BCL7C: variants seen among roughly 807,000 people sequenced by gnomAD.
BCL7C encodes the protein B-cell CLL/lymphoma 7 protein family member C.
In BCL7C, 8 loss-of-function variants were observed where a neutral mutation model predicts 26.2. That is an observed-to-expected ratio of 0.30 (90% confidence interval 0.18 to 0.55). The LOEUF (loss-of-function observed/expected upper bound fraction) is 0.55. Ranked by LOEUF, BCL7C falls within the 20% of genes least tolerant of loss-of-function variation. BCL7C has a pLI of 0.93. For missense variants in BCL7C, 262 were observed against 298.5 expected (o/e 0.88, Z 0.90); for synonymous variants, 90 against 116.5 (o/e 0.77, Z 1.47).
intron 5 of BCL7C, among the ~76,000 whole-genome samples, chr16:30,881,470 G>A (rs1343918059): frequency 6.6e-6 from 1 of 151,690 alleles, no homozygotes; most frequent in African/African-American, 2.4e-5. Flanking sequence ...ATGCTTTTCT[G>A]CTCAGAACAC....
At position 30,893,188 on chromosome 16, in the gene BCL7C, C is replaced by T; in HGVS notation, c.171+24G>A. ...GCCTGAGGTTGCACAGATGCAGGGC[C>T]TTGTGGGAATGGGGGTTGCTCACCT... On this transcript the variant is annotated intron_variant, in intron 2 of 5. Transcript: ENST00000215115. The surrounding 1 kb of genome is among the most constrained non-coding windows in gnomAD (Gnocchi z 5.2). 6.2e-7 allele frequency: 1 copy of T among 1,608,526 alleles called. No individual in the cohort carries two copies. Among genetic ancestry groups the T allele is most frequent in the African/African-American group, 1.3e-5 (1 of 74,930 alleles).
intron 5 of BCL7C, chr16:30,851,744 A>T (rs2054676595): frequency 1.8e-6 from 1 of 548,794 alleles, no homozygotes; most frequent in Non-Finnish European, 3.3e-6. Context: ...CCAAACAGTG[A>T]CCGTGACCTT....
In BCL7C at chr16:30,836,676, A is replaced by G. The variant is rs1351527272; in HGVS notation, c.529-1528T>C. Among the ~76,000 whole-genome samples, 3 of 151,510 alleles carry G rather than the reference A, an allele frequency of 2.0e-5. No individual in the cohort carries two copies. In the East Asian group the frequency reaches 5.8e-4, roughly 30 times the overall value. Reference sequence around the variant, plus strand: ...TTTTTTGTAGAGATGGGGTTTTGCCATGTTGCTCAGGCTGGTCTTGAATTT... The same window carrying G: ...TTTTTTGTAGAGATGGGGTTTTGCCGTGTTGCTCAGGCTGGTCTTGAATTT... On this transcript the variant is annotated intron_variant, in intron 5 of 5. Transcript: ENST00000380317.
intron 5 of BCL7C, among the ~76,000 whole-genome samples, chr16:30,869,895 C>T (rs1277477260): frequency 1.3e-5 from 2 of 152,134 alleles, no homozygotes; most frequent in Admixed American, 6.6e-5. Flanking sequence ...CAAATTATTC[C>T]TTGCCCTTAA....
In BCL7C at chr16:30,879,989, C is replaced by CA. The variant is rs140370364; in HGVS notation, c.528+8870dup. Among the ~76,000 whole-genome samples the CA allele has an allele frequency of 1.7e-3, 238 of 139,766 alleles. 1 individual carries two copies. The highest frequency in any genetic ancestry group is 4.0e-3 in the African/African-American group (149 of 37,356). The allele number at this position is 139,766 out of a possible 152,430, so 91.7% of individuals were successfully genotyped here. ...TGGGTGACAGAGCGTGATTCCGTCT[C>CA]AAAAAAAAAAAAATGTTAAGTAGTT... On this transcript the variant is annotated intron_variant, in intron 5 of 5. Coordinates refer to the BCL7C transcript ENST00000380317.
chr16:30,837,327 T>C (rs2054576177), intron 5 of BCL7C, among the ~76,000 whole-genome samples: 1 of 152,170 alleles, frequency 6.6e-6, no homozygotes, highest in South Asian at 2.1e-4. Flanking sequence ...TTTTCAAGGA[T>C]ATTGGGGTAG....
chr16:30,882,177 G>A (rs893280904), intron 5 of BCL7C, among the ~76,000 whole-genome samples: 2 of 151,980 alleles, frequency 1.3e-5, no homozygotes, highest in African/African-American at 2.4e-5. Context: ...TGGCCAGGCC[G>A]GTTTTGAACT....
intron 5 of BCL7C, among the ~76,000 whole-genome samples, chr16:30,859,787 G>A (rs369754953): frequency 2.0e-5 from 3 of 152,126 alleles, no homozygotes; most frequent in Admixed American, 6.6e-5. Context: ...TTCTGTTTTC[G>A]GACTCTGCCA....
At chr16:30,851,238 G>A (rs1306219389) in intron 5 of BCL7C, 10 of 283,886 alleles carry the variant, frequency 3.5e-5, no homozygotes, top group Admixed American at 7.7e-5. Flanking sequence ...AGCCCAATTC[G>A]TTCAACATTT....
At chr16:30,839,362 A>C (rs2054588372) in intron 5 of BCL7C, among the ~76,000 whole-genome samples, 1 of 152,214 alleles carries the variant, frequency 6.6e-6, no homozygotes, top group Non-Finnish European at 1.5e-5. Context: ...GGTGTGACAG[A>C]CAGGATTCTA....
chr16:30,855,093 C>T (rs986834069), intron 5 of BCL7C, among the ~76,000 whole-genome samples: 2 of 152,094 alleles, frequency 1.3e-5, no homozygotes, highest in Non-Finnish European at 2.9e-5. Flanking sequence ...TGGGTCCAGC[C>T]GTTTCTTTCA....
chr16:30,859,782 T>C (rs915626810), intron 5 of BCL7C, among the ~76,000 whole-genome samples: 2 of 152,246 alleles, frequency 1.3e-5, no homozygotes, highest in South Asian at 4.1e-4. Flanking sequence ...GCTGATTCTG[T>C]TTTCGGACTC....
At chr16:30,854,982 G>A (rs1287749585) in intron 5 of BCL7C, among the ~76,000 whole-genome samples, 1 of 151,944 alleles carries the variant, frequency 6.6e-6, no homozygotes, top group Non-Finnish European at 1.5e-5. Context: ...ACAGGCGTGA[G>A]CCACCATGCC....
chr16:30,845,936 C>T (rs2054631902), intron 5 of BCL7C, among the ~76,000 whole-genome samples: 1 of 151,514 alleles, frequency 6.6e-6, no homozygotes, highest in Non-Finnish European at 1.5e-5. Context: ...GAAACCCCGT[C>T]TCTACTAACA....
downstream of BCL7C, chr16:30,887,731 C>T (rs1263943381): frequency 2.2e-6 from 3 of 1,385,822 alleles, no homozygotes; most frequent in Non-Finnish European, 2.9e-6. Flanking sequence ...AGCAATGGTG[C>T]ATGAGACAAA....
intron 5 of BCL7C, among the ~76,000 whole-genome samples, chr16:30,843,781 T>G (rs1341834247): frequency 6.6e-6 from 1 of 151,368 alleles, no homozygotes; most frequent in Non-Finnish European, 1.5e-5. Flanking sequence ...GGGTCATGCC[T>G]GTAATTCCAG....
intron 5 of BCL7C, among the ~76,000 whole-genome samples, chr16:30,835,933 G>C (rs2054566736): frequency 1.3e-5 from 2 of 151,444 alleles, no homozygotes; most frequent in Admixed American, 1.3e-4. Flanking sequence ...AACAAAGCAG[G>C]ATGATCTCTT....
chr16:30,851,778 G>A, intron 5 of BCL7C: 2 of 422,060 alleles, frequency 4.7e-6, no homozygotes, highest in Non-Finnish European at 8.8e-6. Flanking sequence ...GTTGGCTTTG[G>A]GAAGTACTTT....
chr16:30,839,328 C>G (rs2054588099), intron 5 of BCL7C, among the ~76,000 whole-genome samples: 1 of 152,170 alleles, frequency 6.6e-6, no homozygotes, highest in Non-Finnish European at 1.5e-5. Context: ...CTCGCAGGGT[C>G]TGGGGCAAAG....
Sources: allele counts gnomAD v4.1 joint callset (sites outside exome capture counted in the v4.1 genomes callset), GRCh38; gene constraint gnomAD v4.1.1; non-coding constraint Gnocchi (gnomAD v3.1); transcripts MANE v1.5; gene names NCBI Gene and HGNC (gene_info 2026-07-23, HGNC 2026-07-21).